ENOX2: variants seen among roughly 807,000 people sequenced by gnomAD.
ENOX2 encodes ecto-NOX disulfide-thiol exchanger 2, also known as APK1 antigen.
A neutral mutation model predicts 45.0 loss-of-function variants in ENOX2; 36 were observed. That is an observed-to-expected ratio of 0.80 (90% CI 0.61 to 1.06). The LOEUF (loss-of-function observed/expected upper bound fraction) is 1.06. Ranked by LOEUF, ENOX2 falls within the 50% of genes least tolerant of loss-of-function variation. The probability of loss-of-function intolerance (pLI) is 0.00; values close to 1 mark genes in which losing one functional copy is unlikely to be tolerated. For missense variants in ENOX2, 423 were observed against 462.5 expected, an observed-to-expected ratio of 0.91 and a Z score of 0.78; for synonymous variants, 174 against 152.3, an observed-to-expected ratio of 1.14 and a Z score of -1.05.
intron 2 of ENOX2, among the ~76,000 whole-genome samples, chrX:130,810,407 C>T (rs1475595568): frequency 1.8e-5 from 2 of 111,291 alleles, no homozygotes; most frequent in Admixed American, 1.9e-4. Flanking sequence ...GCCATGATGG[C>T]CCTAGGCTTC....
chrX:130,727,833 A>G (rs189926908), intron 3 of ENOX2, among the ~76,000 whole-genome samples: 41 of 111,846 alleles, frequency 3.7e-4, no homozygotes, highest in Non-Finnish European at 4.3e-4. Flanking sequence ...AGGAAGAGAG[A>G]TCACTCAGAA....
rs141557263 is a variant in ENOX2, at chrX:130,663,111, G to A, written c.1014+2532C>T. Among the ~76,000 whole-genome samples, 800 of 112,385 alleles carry A rather than the reference G, an allele frequency of 7.1e-3. 2 individuals carry two copies. Among genetic ancestry groups the A allele is most frequent in the African/African-American group, 0.024 (742 of 30,988 alleles). ...TCTAATTAAACTCAAGTATATATCC[G>A]CTAGATAAGTAGGCTTGAAATATTA... On this transcript the variant is annotated intron_variant, in intron 9 of 14. Coordinates refer to ENST00000394363, the MANE Select transcript of ENOX2 (RefSeq NM_006375.4).
intron 2 of ENOX2, among the ~76,000 whole-genome samples, chrX:130,880,505 T>C (rs1055618090): frequency 1.8e-5 from 2 of 112,068 alleles, no homozygotes; most frequent in Non-Finnish European, 3.8e-5. Flanking sequence ...GATCAACTTC[T>C]TCCAAAGTAT....
At chrX:130,654,328 C>T (rs1018625349) in intron 10 of ENOX2, among the ~76,000 whole-genome samples, 1 of 110,241 alleles carries the variant, frequency 9.1e-6, no homozygotes, top group African/African-American at 3.3e-5. Context: ...TGTGGCACTC[C>T]AAGGAAAGAT....
chrX:130,635,840 T>C (rs746514414), intron 11 of ENOX2, among the ~76,000 whole-genome samples: 2 of 112,339 alleles, frequency 1.8e-5, no homozygotes, highest in African/African-American at 3.2e-5. Context: ...AATTTTATCA[T>C]TGTTTACAAG....
chrX:130,865,565 A>G (rs1470588104), intron 2 of ENOX2, among the ~76,000 whole-genome samples: 2 of 112,367 alleles, frequency 1.8e-5, no homozygotes, highest in Non-Finnish European at 3.8e-5. Context: ...TTTCAGCATC[A>G]CTAGCTAATT....
At chrX:130,791,345 C>T (rs866609821) in intron 2 of ENOX2, among the ~76,000 whole-genome samples, 4 of 110,828 alleles carry the variant, frequency 3.6e-5, no homozygotes, top group Non-Finnish European at 7.5e-5. Context: ...CAAGACGTGG[C>T]GCAGTGCCTT....
intron 3 of ENOX2, among the ~76,000 whole-genome samples, chrX:130,760,684 C>T (rs1603341629): frequency 2.0e-5 from 2 of 101,846 alleles, no homozygotes; most frequent in South Asian, 9.6e-4. Flanking sequence ...TACTCGGGAG[C>T]CTGAGGTGGA....
At chrX:130,727,381 C>T (rs2038631412) in intron 3 of ENOX2, among the ~76,000 whole-genome samples, 1 of 111,827 alleles carries the variant, frequency 8.9e-6, no homozygotes. Flanking sequence ...ATTACTAACG[C>T]CAAATCCTCA....
rs771622141 is a variant in ENOX2, at chrX:130,748,925, G to A, written c.-39+34622C>T. Among the ~76,000 whole-genome samples the A allele has an allele frequency of 1.9e-4, 21 of 111,611 alleles. No homozygotes were observed. The South Asian group carries it at 7.7e-3, about 41-fold the overall frequency. Reference sequence around the variant, plus strand: ...GTCTTAGCAAAGCACAAACAGTGTAGACCTATTCTCATTCTCTAGTTCCCA... The same window carrying A: ...GTCTTAGCAAAGCACAAACAGTGTAAACCTATTCTCATTCTCTAGTTCCCA... On this transcript the variant is annotated intron_variant, in intron 3 of 14. Transcript: ENST00000394363.
At chrX:130,789,859 T>C (rs1383308299) in intron 2 of ENOX2, among the ~76,000 whole-genome samples, 3 of 112,180 alleles carry the variant, frequency 2.7e-5, no homozygotes, top group Non-Finnish European at 3.8e-5. Context: ...CCCTCCTCAC[T>C]TTCATTCACC....
chrX:130,627,851 T>G (rs2035589126), intron 14 of ENOX2, 107 bp downstream of exon 14: 6 of 553,813 alleles, frequency 1.1e-5, no homozygotes, highest in Non-Finnish European at 6.5e-6. Flanking sequence ...GAGGGAAACT[T>G]CCTGAAAGCA....
chrX:130,856,309 C>T (rs955214874), intron 2 of ENOX2, among the ~76,000 whole-genome samples: 6 of 112,420 alleles, frequency 5.3e-5, no homozygotes, highest in African/African-American at 1.9e-4. Context: ...TCCCATCATG[C>T]TGAAGAAGCG....
chrX:130,646,201 G>T (rs994676860), intron 10 of ENOX2: 1 of 475,236 alleles, frequency 2.1e-6, no homozygotes. Flanking sequence ...GGCAGTCAAA[G>T]ATCACTTGGA....
intron 12 of ENOX2, 33 bp downstream of exon 12, chrX:130,634,951 G>T (rs776638113): frequency 3.6e-5 from 28 of 784,491 alleles, no homozygotes; most frequent in Middle Eastern, 2.9e-4. Flanking sequence ...AGGTAAAGGG[G>T]CAAGGAAAAA....
At chrX:130,678,364 G>C (rs1441313848) in intron 6 of ENOX2, among the ~76,000 whole-genome samples, 2 of 111,239 alleles carry the variant, frequency 1.8e-5, no homozygotes, top group Admixed American at 9.6e-5. Flanking sequence ...ATGTAAATCA[G>C]ATCATGTCAC....
chrX:130,672,375 G>T (rs1015937803), intron 6 of ENOX2, among the ~76,000 whole-genome samples: 1 of 112,173 alleles, frequency 8.9e-6, no homozygotes. Flanking sequence ...CTGCTGGCCC[G>T]GTCCTGGTGG....
intron 2 of ENOX2, among the ~76,000 whole-genome samples, chrX:130,820,904 A>G (rs2077584883): frequency 8.9e-6 from 1 of 112,065 alleles, no homozygotes; most frequent in Admixed American, 9.4e-5. Context: ...CATGGTGACT[A>G]CAGTTAATAA....
intron 2 of ENOX2, among the ~76,000 whole-genome samples, chrX:130,885,598 C>A (rs1357438990): frequency 1.8e-5 from 2 of 111,948 alleles, no homozygotes; most frequent in African/African-American, 6.5e-5. Flanking sequence ...GTCATAAAAG[C>A]CACCTAGTTA....
Sources: allele counts gnomAD v4.1 joint callset (sites outside exome capture counted in the v4.1 genomes callset), GRCh38; gene constraint gnomAD v4.1.1; transcripts MANE v1.5; gene names NCBI Gene and HGNC (gene_info 2026-07-23, HGNC 2026-07-21).